TRIM67: variants seen among roughly 807,000 people sequenced by gnomAD.
TRIM67 encodes the protein tripartite motif containing 67.
TRIM67 carries 39 observed loss-of-function variants against 71.0 expected under a neutral mutation model. That is an observed-to-expected ratio of 0.55 (90% CI 0.43 to 0.72). The LOEUF (loss-of-function observed/expected upper bound fraction) is 0.72. Ranked by LOEUF, TRIM67 falls within the 30% of genes least tolerant of loss-of-function variation. The pLI is 0.00. For synonymous variants in TRIM67, 481 were observed against 473.9 expected, an observed-to-expected ratio of 1.01 and a Z score of -0.19; for missense variants, 973 against 1,079.2, an observed-to-expected ratio of 0.90 and a Z score of 1.38.
Position 231,199,029 on chromosome 1 carries a change from A to G in TRIM67, c.1141-18A>G, listed in dbSNP as rs781058607. The G allele has an allele frequency of 1.2e-6, 2 of 1,613,480 alleles. No homozygotes were observed. Among genetic ancestry groups the G allele is most frequent in the Non-Finnish European group, 1.7e-6 (2 of 1,179,694 alleles). ...AAAACTCTTTGCTTCTTCCCAACCA[A>G]CCCCCAACCTCTGCCAGGAAAACGG... is the stretch of plus-strand genomic sequence containing the variant. On this transcript the variant is annotated intron_variant, in intron 2 of 9. Coordinates refer to ENST00000366653, the MANE Select transcript of TRIM67 (RefSeq NM_001004342.5).
At position 231,163,102 on chromosome 1, in the gene TRIM67, C is replaced by A. The variant is rs1438133506; in HGVS notation, c.133C>A (p.Leu45Met). ...AVQTPDGEQH[L>M]PQPLLLSRGS... ...GCAGACCCCGGACGGTGAGCAGCACCTGCCCCAGCCGCTCCTGCTTTCCCG... is the reference window on the plus strand; with the variant it reads ...GCAGACCCCGGACGGTGAGCAGCACATGCCCCAGCCGCTCCTGCTTTCCCG... The change falls in exon 1 of 10, where the codon CTG becomes ATG. Residue 45 changes from leucine (L) to methionine (M), a missense_variant. Leu to Met is a conservative substitution (Grantham distance 15). Around this residue, in one of 2 missense-constraint regions of TRIM67, gnomAD observed 795 missense variants for 831.3 expected, o/e 0.96. Coordinates refer to ENST00000366653, the MANE Select transcript of TRIM67 (RefSeq NM_001004342.5). 1.9e-6 allele frequency: 3 copies of A among 1,565,230 alleles called. No individual in the cohort carries two copies. The Admixed American group carries it at 5.7e-5, about 30-fold the overall frequency.
At chr1:231,194,518 G>C (rs151139220) in intron 1 of TRIM67, among the ~76,000 whole-genome samples, 111 of 152,288 alleles carry the variant, frequency 7.3e-4, no homozygotes, top group African/African-American at 2.6e-3. Flanking sequence ...AGGTTGGAAG[G>C]CTTATCTAGA....
At chr1:231,193,503 GCT>G (rs3049035) in intron 1 of TRIM67, among the ~76,000 whole-genome samples, 2,465 of 81,936 alleles carry the variant, frequency 0.03, 55 homozygotes, top group African/African-American at 0.039. Flanking sequence ...TCTCTCTCAA[GCT>G]CTCTCTCTCT....
chr1:231,217,582 C>G lies in TRIM67; in HGVS notation c.*2142C>G, dbSNP rs1420020463. 3.4e-5 allele frequency: 36 copies of G among 1,058,482 alleles called. No homozygotes were observed. The highest frequency in any genetic ancestry group is 4.1e-5 in the Non-Finnish European group (36 of 870,924). The allele number at this position is 1,058,482 out of a possible 1,614,324, so 65.6% of individuals were successfully genotyped here. On this transcript the variant is annotated 3_prime_UTR_variant, in exon 10 of 10. Coordinates refer to ENST00000366653, the MANE Select transcript of TRIM67 (RefSeq NM_001004342.5). The stretch of plus-strand genomic sequence containing the variant: ...CATCAGCTTTGGGAAGTGTCTAGCT[C>G]TCTTCTGAAAAAAAAACAGGCCTAC...
intron 1 of TRIM67, among the ~76,000 whole-genome samples, chr1:231,186,920 G>A (rs550957610): frequency 6.6e-6 from 1 of 152,264 alleles, no homozygotes; most frequent in East Asian, 1.9e-4. Flanking sequence ...TGTCTGGGCA[G>A]CTTTCATCTT....
At chr1:231,186,527 C>T (rs1387345543) in intron 1 of TRIM67, among the ~76,000 whole-genome samples, 3 of 152,146 alleles carry the variant, frequency 2.0e-5, no homozygotes. Context: ...GGCCTCTCTC[C>T]CAGCTCCTTG....
chr1:231,187,684 G>A (rs1683123932), intron 1 of TRIM67: 1 of 986,218 alleles, frequency 1.0e-6, no homozygotes, highest in East Asian at 2.8e-5. Flanking sequence ...ACTGCAGGAG[G>A]CGGAGTGGGA....
chr1:231,164,306 A>C (rs1682391452), intron 1 of TRIM67, among the ~76,000 whole-genome samples: 1 of 152,198 alleles, frequency 6.6e-6, no homozygotes, highest in African/African-American at 2.4e-5. Context: ...AAACGCAGAC[A>C]CAGGGCTCTT....
intron 1 of TRIM67, chr1:231,187,650 A>G: frequency 7.8e-7 from 1 of 1,288,510 alleles, no homozygotes; most frequent in Non-Finnish European, 1.1e-6. Context: ...CCCCATCTCT[A>G]CTGTCTCCCA....
At chr1:231,202,339 A>C (rs1446416944) in intron 5 of TRIM67, among the ~76,000 whole-genome samples, 1 of 150,174 alleles carries the variant, frequency 6.7e-6, no homozygotes, top group Non-Finnish European at 1.5e-5. Flanking sequence ...AGGAGGGAGA[A>C]GAATCTAGGC....
At chr1:231,177,855 C>A (rs191314593) in intron 1 of TRIM67, among the ~76,000 whole-genome samples, 3 of 152,350 alleles carry the variant, frequency 2.0e-5, no homozygotes, top group African/African-American at 7.2e-5. Flanking sequence ...ATCAGAGCAT[C>A]TGACACCCAG....
Position 231,162,766 on chromosome 1 carries a change from C to T in TRIM67, c.-204C>T. 3 of 632,070 alleles carry T rather than the reference C, an allele frequency of 4.7e-6. No homozygotes were observed. The highest frequency in any genetic ancestry group is 7.8e-6 in the Non-Finnish European group (3 of 385,532). The allele number at this position is 632,070 out of a possible 1,614,324, so 39.2% of individuals were successfully genotyped here. ...TCGGGCAGGAGGTGAGGACCCCCTCCCTTCTCTCGCCCCTCAATCATCTTA... is the reference window on the plus strand; with the variant it reads ...TCGGGCAGGAGGTGAGGACCCCCTCTCTTCTCTCGCCCCTCAATCATCTTA... On this transcript the variant is annotated 5_prime_UTR_variant, in exon 1 of 10. Transcript: ENST00000366653.
chr1:231,186,061 G>T, intron 1 of TRIM67: 1 of 1,530,022 alleles, frequency 6.5e-7, no homozygotes, highest in Non-Finnish European at 8.7e-7. Context: ...GATGTTCCCC[G>T]TGAGCAGAAC....
chr1:231,206,229 A>G (rs908732707), intron 6 of TRIM67, among the ~76,000 whole-genome samples: 1 of 151,954 alleles, frequency 6.6e-6, no homozygotes, highest in African/African-American at 2.4e-5. Context: ...AGAGTTCGAG[A>G]CCAGTCTGGC....
In TRIM67 at chr1:231,219,176, C is replaced by T; in HGVS notation, c.*3736C>T. On this transcript the variant is annotated 3_prime_UTR_variant, in exon 10 of 10. Coordinates refer to ENST00000366653, the MANE Select transcript of TRIM67 (RefSeq NM_001004342.5). ...CTGCTGCACAGCCCGTGGGGTGGCG[C>T]CAGGGTTTCTCAACCTCTACTGACA... is the stretch of plus-strand genomic sequence containing the variant. The T allele has an allele frequency of 2.0e-6, 2 of 985,444 alleles. No homozygotes were observed. Among genetic ancestry groups the T allele is most frequent in the Non-Finnish European group, 1.2e-6 (1 of 830,048 alleles). 61.0% of individuals were successfully genotyped at this position (985,444 alleles called of 1,614,324 possible). A position where few individuals can be genotyped will look rare whatever the true frequency, so the allele number is the denominator to read the frequency against.
In TRIM67 at chr1:231,204,082, C is replaced by A; in HGVS notation, c.1680+70C>A. 4 of 1,588,656 alleles carry A rather than the reference C, an allele frequency of 2.5e-6. No homozygotes were observed. The South Asian group carries it at 4.5e-5, about 18-fold the overall frequency. On this transcript the variant is annotated intron_variant, in intron 6 of 9. Transcript: ENST00000366653. ...CAGAGGCAGGAGTGGCTCCCACTGC[C>A]CCAGACTCTGGTTCAGCCCATGGGG...
intron 1 of TRIM67, among the ~76,000 whole-genome samples, chr1:231,196,768 C>G (rs1432567941): frequency 2.0e-5 from 3 of 152,216 alleles, no homozygotes; most frequent in African/African-American, 7.2e-5. Context: ...GGTCACACCC[C>G]TCTCTGCAGG....
chr1:231,194,577 T>C (rs1683316332), intron 1 of TRIM67, among the ~76,000 whole-genome samples: 1 of 152,194 alleles, frequency 6.6e-6, no homozygotes, highest in African/African-American at 2.4e-5. Context: ...TCCTTTTCCA[T>C]TGATGGCTAC....
At position 231,217,598 on chromosome 1, in the gene TRIM67, A is replaced by AC. The variant is rs1684047829; in HGVS notation, c.*2159dup. 2 of 1,055,100 alleles carry AC rather than the reference A, an allele frequency of 1.9e-6. No individual in the cohort carries two copies. The highest frequency in any genetic ancestry group is 3.3e-5 in the African/African-American group (2 of 59,978). The allele number at this position is 1,055,100 out of a possible 1,614,324, so 65.4% of individuals were successfully genotyped here. ...TGTCTAGCTCTCTTCTGAAAAAAAA[A>AC]CAGGCCTACACCCTGCCCCCAGAAT... On this transcript the variant is annotated 3_prime_UTR_variant, in exon 10 of 10. Coordinates refer to ENST00000366653, the MANE Select transcript of TRIM67 (RefSeq NM_001004342.5).
Sources: gnomAD v4.1 joint callset for allele counts (sites outside exome capture counted in the v4.1 genomes callset) on GRCh38, gnomAD v4.1.1 for gene constraint, gnomAD v4.1.1 regional missense constraint, MANE v1.5 for transcripts, NCBI Gene and HGNC (gene_info 2026-07-23, HGNC 2026-07-21) for gene names.